Variants in EMILIN2 observed in about 807,000 individuals in gnomAD.
The protein encoded by EMILIN2 is EMILIN-2.
In EMILIN2, 71 loss-of-function variants were observed where a neutral mutation model predicts 87.1. The ratio of observed to expected loss-of-function variants is 0.82; its 90% confidence interval spans 0.67 to 0.99. EMILIN2 has a LOEUF of 0.99. EMILIN2 is among the 50% of genes least tolerant of loss of function. The pLI is 0.00. For synonymous variants in EMILIN2, 581 were observed against 563.4 expected (o/e 1.03, Z -0.44); for missense variants, 1,407 against 1,371.8 (o/e 1.03, Z -0.40).
intron 3 of EMILIN2, among the ~76,000 whole-genome samples, chr18:2,889,693 T>C (rs79656695): frequency 5.4e-4 from 11 of 20,540 alleles, no homozygotes; most frequent in Admixed American, 2.1e-3. Context: ...TTTTCTTTTC[T>C]TTTTTTTTTT....
rs2143939466 is a variant in EMILIN2 at position 2,847,359 on chromosome 18, A to G, written c.134+37A>G. 7.8e-7 allele frequency: 1 copy of G among 1,282,334 alleles called. No homozygotes were observed. Among genetic ancestry groups the G allele is most frequent in the Non-Finnish European group, 9.9e-7 (1 of 1,014,868 alleles). 79.4% of individuals were successfully genotyped at this position (1,282,334 alleles called of 1,614,324 possible). On this transcript the variant is annotated intron_variant, in intron 1 of 7. Transcript: ENST00000254528. The surrounding 1 kb of genome is among the most constrained non-coding windows in gnomAD (Gnocchi z 4.5). ...CCCCTTGGCTGGCCCCAAACCGCCT[A>G]CCCCTCCCCGGCCCCCAGTTGAGCC...
At chr18:2,904,989 T>C (rs1253490154) in intron 4 of EMILIN2, among the ~76,000 whole-genome samples, 1 of 152,194 alleles carries the variant, frequency 6.6e-6, no homozygotes, top group Non-Finnish European at 1.5e-5. Flanking sequence ...GGTATCTTAC[T>C]CCTATCTTCC....
intron 4 of EMILIN2, 127 bp downstream of exon 4, chr18:2,892,613 G>A: frequency 7.5e-7 from 1 of 1,328,270 alleles, no homozygotes; most frequent in Non-Finnish European, 1.0e-6. Flanking sequence ...ACAGTATTAT[G>A]CTAGATTTTG....
chr18:2,860,295 G>A (rs112734031), intron 2 of EMILIN2, among the ~76,000 whole-genome samples: 3,931 of 151,790 alleles, frequency 0.026, 139 homozygotes, highest in African/African-American at 0.089. Flanking sequence ...GTGTAGGTTC[G>A]TTACATAGGT....
intron 2 of EMILIN2, among the ~76,000 whole-genome samples, chr18:2,858,583 G>GTATATATATATATATATATA (rs1555665466): frequency 9.5e-5 from 6 of 63,042 alleles, no homozygotes; most frequent in African/African-American, 4.7e-4. Flanking sequence ...GTGTGTGTGT[G>GTATATATATATATATATATA]TATATATATA....
chr18:2,847,658 C>T lies in EMILIN2; in HGVS notation c.135-151C>T, dbSNP rs1489890721. The stretch of plus-strand genomic sequence containing the variant: ...CTCCAGAGGCGCACCCGGGCACCCT[C>T]CGGCGTCTGCTCGGTGAAGCTCCCG... On this transcript the variant is annotated intron_variant, in intron 1 of 7. Transcript: ENST00000254528. This position sits in a 1 kb window ranked among gnomAD's most constrained non-coding sequence, Gnocchi z 4.5. 1.8e-5 allele frequency: 23 copies of T among 1,301,194 alleles called. No individual in the cohort carries two copies. Among genetic ancestry groups the T allele is most frequent in the Non-Finnish European group, 2.1e-5 (21 of 983,464 alleles). The allele number at this position is 1,301,194 out of a possible 1,614,324, so 80.6% of individuals were successfully genotyped here. A position where few individuals can be genotyped will look rare whatever the true frequency, so the allele number is the denominator to read the frequency against.
upstream of EMILIN2, chr18:2,846,739 C>G (rs996058024): frequency 4.1e-5 from 40 of 985,176 alleles, no homozygotes; most frequent in African/African-American, 5.1e-4. This position sits in a 1 kb window ranked among gnomAD's most constrained non-coding sequence, Gnocchi z 5.3. Flanking sequence ...GCGAGCCTGT[C>G]GGAAGGTGGG....
chr18:2,884,209 G>A (rs1271640686), intron 2 of EMILIN2, among the ~76,000 whole-genome samples: 1 of 152,036 alleles, frequency 6.6e-6, no homozygotes, highest in Non-Finnish European at 1.5e-5. Context: ...GCCTGCCTCG[G>A]CCTCCCAAAG....
rs1055384219 is a variant in EMILIN2, at chr18:2,890,126, T to C, written c.434-435T>C. ...CTAAAGTGGTTTCTTGTGGTTTTAC[T>C]GTATGCAGTCAACTCTTGGGGTGTG... On this transcript the variant is annotated intron_variant, in intron 3 of 7. Transcript: ENST00000254528. This position sits in a 1 kb window ranked among gnomAD's most constrained non-coding sequence, Gnocchi z 4.7. Among the ~76,000 whole-genome samples the C allele has an allele frequency of 3.3e-5, 5 of 152,228 alleles. No individual in the cohort carries two copies. The highest frequency in any genetic ancestry group is 1.3e-4 in the Admixed American group (2 of 15,290).
At chr18:2,858,557 A>ATGTGTGTGTGTGTG in intron 2 of EMILIN2, among the ~76,000 whole-genome samples, 1 of 54,526 alleles carries the variant, frequency 1.8e-5, no homozygotes, top group African/African-American at 1.4e-4. Context: ...ATATATATAT[A>ATGTGTGTGTGTGTG]TATATATATA....
rs1183112681 is a variant in EMILIN2, at chr18:2,847,825, A to C, written c.151A>C (p.Ile51Leu). 8.1e-6 allele frequency: 13 copies of C among 1,613,230 alleles called. No homozygotes were observed. The highest frequency in any genetic ancestry group is 1.1e-5 in the Non-Finnish European group (13 of 1,179,764). ...SARNKNWCAY[I>L]VNKNVSCSVL... ...GCACCCCAGGAACTGGTGCGCCTAC[A>C]TCGTGAACAAGAATGTGAGCTGCTC... The change falls in exon 2 of 8, where the codon ATC becomes CTC. Residue 51 changes from isoleucine to leucine, a missense_variant. Ile to Leu is a conservative substitution (Grantham distance 5). Transcript: ENST00000254528. This position sits in a 1 kb window ranked among gnomAD's most constrained non-coding sequence, Gnocchi z 4.5.
chr18:2,906,453 C>T (rs1293747877), intron 4 of EMILIN2: 2 of 219,210 alleles, frequency 9.1e-6, no homozygotes, highest in East Asian at 1.8e-4. Flanking sequence ...ACTTGCGACG[C>T]ACCCGCGGTT....
At chr18:2,881,402 A>C (rs1312546028) in intron 2 of EMILIN2, among the ~76,000 whole-genome samples, 1 of 151,942 alleles carries the variant, frequency 6.6e-6, no homozygotes, top group South Asian at 2.1e-4. Context: ...AGTGGGGAAC[A>C]TGTGTAGAGT....
Position 2,891,525 on chromosome 18 carries a change from A to T in EMILIN2, c.1398A>T (p.Glu466Asp). The T allele has an allele frequency of 6.2e-7, 1 of 1,614,232 alleles. No individual in the cohort carries two copies. Among genetic ancestry groups the T allele is most frequent in the South Asian group, 1.1e-5 (1 of 91,088 alleles). The change falls in exon 4 of 8, where the codon GAA (glutamate) becomes GAT (aspartate). Residue 466 changes from glutamate to aspartate, a missense_variant. Physicochemically the swap from Glu to Asp is conservative, Grantham distance 45 (BLOSUM62 2). Coordinates refer to ENST00000254528, the MANE Select transcript of EMILIN2 (RefSeq NM_032048.3). This position sits in a 1 kb window ranked among gnomAD's most constrained non-coding sequence, Gnocchi z 4.6. ...RINVTEKNAE[E>D]HCFYIEETLR... Reference sequence around the variant, plus strand: ...ATGTGACGGAGAAGAACGCTGAAGAACATTGCTTTTACATTGAGGAAACCC... The same window carrying T: ...ATGTGACGGAGAAGAACGCTGAAGATCATTGCTTTTACATTGAGGAAACCC...
At chr18:2,887,603 C>G (rs540000180) in intron 3 of EMILIN2, among the ~76,000 whole-genome samples, 1 of 152,114 alleles carries the variant, frequency 6.6e-6, no homozygotes, top group Non-Finnish European at 1.5e-5. Flanking sequence ...CTCTTTTCAC[C>G]TTCCGTCATG....
chr18:2,875,863 G>GA (rs1420547594), intron 2 of EMILIN2, among the ~76,000 whole-genome samples: 1 of 152,130 alleles, frequency 6.6e-6, no homozygotes, highest in Non-Finnish European at 1.5e-5. Flanking sequence ...CTTTCTTTTG[G>GA]ACTGTAGAAT....
Position 2,891,018 on chromosome 18 carries a change from C to T in EMILIN2, c.891C>T (p.Leu297=). The change falls in exon 4 of 8, where the codon CTC becomes CTT. Residue 297 remains leucine (L), a synonymous_variant. Transcript: ENST00000254528. The surrounding 1 kb of genome is among the most constrained non-coding windows in gnomAD (Gnocchi z 4.6). ...VKGYEGQLRQ[L]QEAAQGPTVT... is the part of the protein sequence containing the mutation. ...GCTACGAAGGGCAGCTCAGACAGCT[C>T]CAGGAAGCAGCTCAGGGCCCGACGG... The T allele has an allele frequency of 6.2e-7, 1 of 1,614,188 alleles. No individual in the cohort carries two copies. Among genetic ancestry groups the T allele is most frequent in the Non-Finnish European group, 8.5e-7 (1 of 1,180,042 alleles).
chr18:2,900,837 C>T (rs56872962), intron 4 of EMILIN2, among the ~76,000 whole-genome samples: 259 of 152,282 alleles, frequency 1.7e-3, no homozygotes, highest in African/African-American at 6.0e-3. Context: ...ATCCGCCTAG[C>T]ATTCTGTATG....
intron 7 of EMILIN2, among the ~76,000 whole-genome samples, chr18:2,911,133 C>A (rs972251365): frequency 1.3e-5 from 2 of 152,214 alleles, no homozygotes; most frequent in Non-Finnish European, 2.9e-5. Context: ...AAAGTACACT[C>A]GGAAGACGGC....
Sources: allele counts gnomAD v4.1 joint callset (sites outside exome capture counted in the v4.1 genomes callset), GRCh38; gene constraint gnomAD v4.1.1; non-coding constraint Gnocchi (gnomAD v3.1); transcripts MANE v1.5; gene names NCBI Gene and HGNC (gene_info 2026-07-23, HGNC 2026-07-21).